ATP13A5: variants seen among roughly 807,000 people sequenced by gnomAD.
ATP13A5 encodes probable cation-transporting ATPase 13A5.
A neutral mutation model predicts 150.2 loss-of-function variants in ATP13A5; 149 were observed. The observed-to-expected ratio is 0.99, with a 90% CI of 0.87 to 1.14. The LOEUF is 1.14. Among genes scored for constraint, ATP13A5 ranks in the 50% most tolerant of loss-of-function variants. The pLI, the probability that ATP13A5 is intolerant of heterozygous loss-of-function variation, is 0.00. For missense variants in ATP13A5, 1,383 were observed against 1,449.3 expected, an observed-to-expected ratio of 0.95 and a Z score of 0.74; for synonymous variants, 497 against 522.2, an observed-to-expected ratio of 0.95 and a Z score of 0.66.
At chr3:193,334,809 A>G in intron 10 of ATP13A5, 120 bp downstream of exon 10, 1 of 881,400 alleles carries the variant, frequency 1.1e-6, no homozygotes, top group Non-Finnish European at 1.7e-6. Context: ...TCTGTTTGGA[A>G]AAAAGCATGT....
At chr3:193,353,618 G>T (rs1355266064) in intron 6 of ATP13A5, among the ~76,000 whole-genome samples, 1 of 152,124 alleles carries the variant, frequency 6.6e-6, no homozygotes, top group Admixed American at 6.5e-5. Flanking sequence ...CATGAAGGTA[G>T]AGATCCCACG....
rs1343861418 is a variant in ATP13A5 at position 193,313,915 on chromosome 3, G to A, written c.2319+118C>T. The A allele has an allele frequency of 5.0e-6, 6 of 1,202,726 alleles. No individual in the cohort carries two copies. The East Asian group carries it at 1.4e-4, about 29-fold the overall frequency. 74.5% of individuals were successfully genotyped at this position (1,202,726 alleles called of 1,614,324 possible). A position where few individuals can be genotyped will look rare whatever the true frequency, so the allele number is the denominator to read the frequency against. On this transcript the variant is annotated intron_variant, in intron 19 of 29. Transcript: ENST00000342358. ...AATGCTTTGCAAACTGTCAAACTCT[G>A]GACAGATGTGAGGGATTATTACTGA... is the stretch of plus-strand genomic sequence containing the variant.
chr3:193,373,177 T>C (rs1713512974), intron 1 of ATP13A5, among the ~76,000 whole-genome samples: 1 of 152,190 alleles, frequency 6.6e-6, no homozygotes, highest in Non-Finnish European at 1.5e-5. Context: ...CTCACTCCAT[T>C]GCCCAGGCTG....
chr3:193,335,248 G>T, intron 9 of ATP13A5, 149 bp from the exon 10 acceptor site: 1 of 661,498 alleles, frequency 1.5e-6, no homozygotes, highest in Non-Finnish European at 2.6e-6. Flanking sequence ...TAGAGATGCT[G>T]GTGGTACAAG....
intron 6 of ATP13A5, among the ~76,000 whole-genome samples, chr3:193,351,924 C>T (rs915571305): frequency 4.6e-5 from 7 of 152,168 alleles, no homozygotes; most frequent in African/African-American, 1.7e-4. Context: ...CCTGCTAACT[C>T]ATGCTAATAA....
In ATP13A5 at chr3:193,286,450, CT is replaced by C. The variant is rs369192188; in HGVS notation, c.3024-1335del. On this transcript the variant is annotated intron_variant, in intron 26 of 29. Transcript: ENST00000342358. ...TTTTAATAGTATGTGCTCACTTTGTCTCTGTGTCACATTTTGGTAATTCTTG... is the reference window on the plus strand; with the variant it reads ...TTTTAATAGTATGTGCTCACTTTGTCCTGTGTCACATTTTGGTAATTCTTG... Among the ~76,000 whole-genome samples, 16 of 152,008 alleles carry C rather than the reference CT, an allele frequency of 1.1e-4. No individual in the cohort carries two copies. The East Asian group carries it at 2.9e-3, about 28-fold the overall frequency.
At chr3:193,363,099 A>G in intron 3 of ATP13A5, 137 bp downstream of exon 3, 1 of 1,095,620 alleles carries the variant, frequency 9.1e-7, no homozygotes, top group Non-Finnish European at 1.3e-6. Context: ...GACCATGCCC[A>G]GCCAGTCTCA....
intron 1 of ATP13A5, among the ~76,000 whole-genome samples, chr3:193,364,877 T>C (rs987143291): frequency 2.6e-5 from 4 of 152,204 alleles, no homozygotes; most frequent in Admixed American, 6.5e-5. Flanking sequence ...AGCTTATATT[T>C]ATTTACCCTG....
chr3:193,355,146 C>T (rs751045486), intron 5 of ATP13A5, among the ~76,000 whole-genome samples: 2 of 151,744 alleles, frequency 1.3e-5, no homozygotes, highest in Admixed American at 6.6e-5. Flanking sequence ...TGGTCAGGCT[C>T]GTCTCGAACC....
At chr3:193,362,795 T>TTCTCTCTTTCTTTCTCTCTTTCTTTCTC (rs1560151087) in intron 3 of ATP13A5, among the ~76,000 whole-genome samples, 158 bp from the exon 4 acceptor site, 3 of 121,694 alleles carry the variant, frequency 2.5e-5, no homozygotes, top group Admixed American at 8.2e-5. Flanking sequence ...CTTTCTTTCT[T>TTCTCTCTTTCTTTCTCTCTTTCTTTCTC]TCTTTCTTTC....
chr3:193,348,638 C>T (rs1712445413), intron 7 of ATP13A5, among the ~76,000 whole-genome samples: 1 of 152,166 alleles, frequency 6.6e-6, no homozygotes, highest in Admixed American at 6.5e-5. Context: ...TGCAGAAAAA[C>T]ATCTTATTCT....
Position 193,274,886 on chromosome 3 carries a change from A to G in ATP13A5, c.*156T>C. On this transcript the variant is annotated 3_prime_UTR_variant, in exon 30 of 30. Transcript: ENST00000342358. ...GCATACAGTCAGAATAAGCCTATCTAAGGTCCCTTGCTGCAAGGTTTAATT... is the reference window on the plus strand; with the variant it reads ...GCATACAGTCAGAATAAGCCTATCTGAGGTCCCTTGCTGCAAGGTTTAATT... 1.6e-5 allele frequency: 16 copies of G among 1,031,250 alleles called. No individual in the cohort carries two copies. The South Asian group carries it at 2.3e-4, about 15-fold the overall frequency. 63.9% of individuals were successfully genotyped at this position (1,031,250 alleles called of 1,614,324 possible). A position where few individuals can be genotyped will look rare whatever the true frequency, so the allele number is the denominator to read the frequency against.
intron 1 of ATP13A5, 125 bp downstream of exon 1, chr3:193,378,538 T>C: frequency 2.3e-6 from 2 of 861,420 alleles, no homozygotes; most frequent in Admixed American, 2.3e-5. Context: ...CTTACCAGAC[T>C]GAAACCTTTC....
At chr3:193,362,054 A>G (rs1388154858) in intron 5 of ATP13A5, among the ~76,000 whole-genome samples, 1 of 152,192 alleles carries the variant, frequency 6.6e-6, no homozygotes, top group African/African-American at 2.4e-5. Flanking sequence ...TGTCTCTCCC[A>G]GGATTTGGAA....
intron 1 of ATP13A5, among the ~76,000 whole-genome samples, chr3:193,367,430 T>G (rs1713278037): frequency 6.6e-6 from 1 of 152,112 alleles, no homozygotes; most frequent in African/African-American, 2.4e-5. Flanking sequence ...TACTATTCTT[T>G]TACAAACCTC....
At chr3:193,342,921 G>T (rs567011990) in intron 9 of ATP13A5, among the ~76,000 whole-genome samples, 2 of 152,280 alleles carry the variant, frequency 1.3e-5, no homozygotes, top group African/African-American at 4.8e-5. Flanking sequence ...TAAAAGATAT[G>T]ATCAGTATGC....
Position 193,315,272 on chromosome 3 carries a change from C to A in ATP13A5, c.2034-176G>T, listed in dbSNP as rs557121087. On this transcript the variant is annotated intron_variant, in intron 17 of 29. Coordinates refer to ENST00000342358, the MANE Select transcript of ATP13A5 (RefSeq NM_198505.4). The stretch of plus-strand genomic sequence containing the variant: ...CCAGTAGTCTGTCTCCACACCACCT[C>A]ACCCCTCTCCTTCCTAGAGGCAACC... Among the ~76,000 whole-genome samples the A allele has an allele frequency of 1.1e-3, 113 of 103,094 alleles. 2 individuals carry two copies. In the South Asian group the frequency reaches 0.035, roughly 32 times the overall value. 67.6% of individuals were successfully genotyped at this position (103,094 alleles called of 152,430 possible).
Position 193,364,266 on chromosome 3 carries a change from GT to G in ATP13A5, c.77del (p.Tyr26SerfsTer17), listed in dbSNP as rs1560152051. The G allele has an allele frequency of 6.2e-7, 1 of 1,613,286 alleles. No individual in the cohort carries two copies. The highest frequency in any genetic ancestry group is 1.1e-5 in the South Asian group (1 of 90,928). ...AGGCTTTCCGTACATTGTGGTCCCGGTAACCAAACACCTCCTGGAGAATAAA... is the reference window on the plus strand; with the variant it reads ...AGGCTTTCCGTACATTGTGGTCCCGGAACCAAACACCTCCTGGAGAATAAA... ...GEEDELEVFG[Y>X]RDHNVRKAFC... On this transcript the variant is annotated frameshift_variant, in exon 2 of 30. Transcript: ENST00000342358. LOFTEE classifies it high-confidence loss of function.
chr3:193,343,825 T>C, intron 9 of ATP13A5, 102 bp downstream of exon 9: 1 of 1,367,160 alleles, frequency 7.3e-7, no homozygotes, highest in Non-Finnish European at 9.8e-7. Flanking sequence ...CCCTCACCTA[T>C]CTCTGAATAT....
Sources: allele counts gnomAD v4.1 joint callset (sites outside exome capture counted in the v4.1 genomes callset), GRCh38; gene constraint gnomAD v4.1.1; transcripts MANE v1.5; gene names NCBI Gene and HGNC (gene_info 2026-07-23, HGNC 2026-07-21).